ZMIZ1: variants seen among roughly 807,000 people sequenced by gnomAD.
ZMIZ1 encodes zinc finger MIZ-type containing 1, also known as zinc finger MIZ domain-containing protein 1.
A neutral mutation model predicts 113.9 loss-of-function variants in ZMIZ1; 17 were observed. The observed-to-expected ratio is 0.15, with a 90% CI of 0.10 to 0.22. The LOEUF is 0.22. Ranked by LOEUF, ZMIZ1 falls within the 10% of genes least tolerant of loss-of-function variation. ZMIZ1 has a pLI of 1.00. For synonymous variants in ZMIZ1, 607 were observed against 603.1 expected, an observed-to-expected ratio of 1.01 and a Z score of -0.09; for missense variants, 1,059 against 1,477.8, an observed-to-expected ratio of 0.72 and a Z score of 4.65.
chr10:79,301,220 G>A (rs763570258), intron 17 of ZMIZ1, among the ~76,000 whole-genome samples: 4 of 152,052 alleles, frequency 2.6e-5, no homozygotes, highest in African/African-American at 4.8e-5. Context: ...ACATGCTTCC[G>A]ATTCACCCCT....
In ZMIZ1 at chr10:79,250,518, C is replaced by T. The variant is rs1242587246; in HGVS notation, c.281-26663C>T. Among the ~76,000 whole-genome samples, 19 of 152,344 alleles carry T rather than the reference C, an allele frequency of 1.2e-4. No individual in the cohort carries two copies. In the Middle Eastern group the frequency reaches 0.014, roughly 109 times the overall value. ...ATGTGTCAGCTCTGGAGGAAGTAAG[C>T]GTGGCCGGCACCCACGTGCCCACTT... On this transcript the variant is annotated intron_variant, in intron 7 of 24. Coordinates refer to ENST00000334512, the MANE Select transcript of ZMIZ1 (RefSeq NM_020338.4).
In ZMIZ1 at chr10:79,261,669, T is replaced by A. The variant is rs111809112; in HGVS notation, c.281-15512T>A. Reference sequence around the variant, plus strand: ...GGCTGAGGGACACCAGCAAGTGGTGTTGCTGAGAGATGCCGGGCAGGGGAC... The same window carrying A: ...GGCTGAGGGACACCAGCAAGTGGTGATGCTGAGAGATGCCGGGCAGGGGAC... On this transcript the variant is annotated intron_variant, in intron 7 of 24. Coordinates refer to ENST00000334512, the MANE Select transcript of ZMIZ1 (RefSeq NM_020338.4). Among the ~76,000 whole-genome samples the A allele has an allele frequency of 8.1e-3, 1,236 of 152,294 alleles. 17 individuals are homozygous for A. Among genetic ancestry groups the A allele is most frequent in the African/African-American group, 0.028 (1,162 of 41,556 alleles).
chr10:79,279,499 G>A (rs1852559601), intron 8 of ZMIZ1, among the ~76,000 whole-genome samples: 1 of 151,652 alleles, frequency 6.6e-6, no homozygotes, highest in East Asian at 1.9e-4. Flanking sequence ...CGGGCAGAGG[G>A]GCTCCTCACA....
chr10:79,120,116 G>A (rs925907791), intron 2 of ZMIZ1, among the ~76,000 whole-genome samples: 4 of 152,198 alleles, frequency 2.6e-5, no homozygotes, highest in Non-Finnish European at 5.9e-5. Context: ...CATAGATGGA[G>A]CAGAACCTGG....
At chr10:79,162,813 C>A (rs1294540087) in intron 4 of ZMIZ1, among the ~76,000 whole-genome samples, 1 of 152,194 alleles carries the variant, frequency 6.6e-6, no homozygotes. Context: ...CCCTGCTCCC[C>A]CTGAGGACCC....
intron 4 of ZMIZ1, among the ~76,000 whole-genome samples, chr10:79,187,535 G>A (rs777174464): frequency 3.3e-5 from 5 of 152,196 alleles, no homozygotes; most frequent in African/African-American, 4.8e-5. Flanking sequence ...CTGGTGCAGC[G>A]AGTGGGCTCC....
At chr10:79,297,712 A>G (rs1853996063) in intron 14 of ZMIZ1, 22 bp downstream of exon 14, 1 of 1,608,142 alleles carries the variant, frequency 6.2e-7, no homozygotes, top group Non-Finnish European at 8.5e-7. Flanking sequence ...TTTAATTTAC[A>G]AATTCTAAGC....
In ZMIZ1 at chr10:79,189,387, C is replaced by T. The variant is rs528708362; in HGVS notation, c.-49-12197C>T. Among the ~76,000 whole-genome samples the T allele has an allele frequency of 2.0e-5, 3 of 152,254 alleles. No individual in the cohort carries two copies. The East Asian group carries it at 5.8e-4, about 29-fold the overall frequency. On this transcript the variant is annotated intron_variant, in intron 4 of 24. Coordinates refer to ENST00000334512, the MANE Select transcript of ZMIZ1 (RefSeq NM_020338.4). ...AGCTTCCTTCTGCCTCTGATGGAGCCGATAAGACCCACCAGGGCACTCTAG... is the reference window on the plus strand; with the variant it reads ...AGCTTCCTTCTGCCTCTGATGGAGCTGATAAGACCCACCAGGGCACTCTAG...
intron 1 of ZMIZ1, among the ~76,000 whole-genome samples, chr10:79,072,278 G>A (rs1045214151): frequency 6.6e-6 from 1 of 152,132 alleles, no homozygotes; most frequent in African/African-American, 2.4e-5. Flanking sequence ...ACGCGCGCAC[G>A]CACACTCACT....
chr10:79,214,788 G>T (rs1848655316), intron 6 of ZMIZ1, among the ~76,000 whole-genome samples: 1 of 152,166 alleles, frequency 6.6e-6, no homozygotes, highest in African/African-American at 2.4e-5. Flanking sequence ...CTTTCTAAAT[G>T]ACTCCATTTT....
chr10:79,104,950 GGTGTGT>G (rs58453718), intron 1 of ZMIZ1, among the ~76,000 whole-genome samples: 5,495 of 140,120 alleles, frequency 0.039, 165 homozygotes, highest in African/African-American at 0.082. Context: ...GTTGTTGTGG[GGTGTGT>G]GTGTGTGTGT....
chr10:79,150,375 A>AC (rs139470478), intron 3 of ZMIZ1, among the ~76,000 whole-genome samples: 1,719 of 151,594 alleles, frequency 0.011, 36 homozygotes, highest in African/African-American at 0.039. Context: ...GCCTGCGCTG[A>AC]CCCCCTCCCT....
Position 79,208,421 on chromosome 10 carries a change from T to G in ZMIZ1, c.146T>G (p.Phe49Cys). The change falls in exon 6 of 25, where the codon TTC becomes TGC. Residue 49 changes from phenylalanine to cysteine, a missense_variant. Transcript: ENST00000334512. ...GACCCACGGGCCTTCCAGCGGCCCT[T>G]CGAGCAGAGCCTGATGGGCTGTTTG... ...CGDPRAFQRP[F>C]EQSLMGCLTV... is the part of the protein sequence containing the mutation. 1 of 1,613,990 alleles carries G rather than the reference T, an allele frequency of 6.2e-7. No homozygotes were observed. Among genetic ancestry groups the G allele is most frequent in the Non-Finnish European group, 8.5e-7 (1 of 1,180,028 alleles).
chr10:79,256,074 G>T (rs71479661), intron 7 of ZMIZ1, among the ~76,000 whole-genome samples: 2 of 152,228 alleles, frequency 1.3e-5, no homozygotes, highest in African/African-American at 2.4e-5. Context: ...GCATTGAGGA[G>T]GCTCTTGCTG....
chr10:79,302,361 T>C, intron 18 of ZMIZ1, 149 bp downstream of exon 18: 1 of 736,414 alleles, frequency 1.4e-6, no homozygotes, highest in South Asian at 1.7e-5. Context: ...CGCCCTGTCC[T>C]GAGGCTCATG....
chr10:79,249,824 T>A (rs1481672464), intron 7 of ZMIZ1, among the ~76,000 whole-genome samples: 1 of 152,038 alleles, frequency 6.6e-6, no homozygotes, highest in Non-Finnish European at 1.5e-5. Context: ...TTCCCCCCAA[T>A]GCACGAGGGA....
At chr10:79,093,169 C>T (rs1157179702) in intron 1 of ZMIZ1, among the ~76,000 whole-genome samples, 6 of 136,186 alleles carry the variant, frequency 4.4e-5, no homozygotes, top group East Asian at 2.1e-4. Context: ...CACACACACA[C>T]ACACACATAT....
intron 3 of ZMIZ1, among the ~76,000 whole-genome samples, chr10:79,141,951 G>A (rs1029934290): frequency 9.2e-5 from 14 of 152,208 alleles, no homozygotes; most frequent in African/African-American, 3.4e-4. Context: ...GAACAGGGAC[G>A]AAGGGGTAGT....
rs530910515 is a variant in ZMIZ1 at position 79,072,940 on chromosome 10, G to A, written c.-337+3670G>A. ...TGTCCTTAAGAGTCCCTCAGGATGG[G>A]GAGGCAGCAATCCACCTGGCTGTAA... On this transcript the variant is annotated intron_variant, in intron 1 of 24. Coordinates refer to ENST00000334512, the MANE Select transcript of ZMIZ1 (RefSeq NM_020338.4). Among the ~76,000 whole-genome samples, 4 of 152,334 alleles carry A rather than the reference G, an allele frequency of 2.6e-5. No homozygotes were observed. In the South Asian group the frequency reaches 8.3e-4, roughly 32 times the overall value.
Sources: allele counts gnomAD v4.1 joint callset (sites outside exome capture counted in the v4.1 genomes callset), GRCh38; gene constraint gnomAD v4.1.1; transcripts MANE v1.5; gene names NCBI Gene and HGNC (gene_info 2026-07-23, HGNC 2026-07-21).